The following EPHA1 variants were observed in gnomAD, a reference collection of about 807,000 sequenced individuals.
EPHA1 encodes the protein ephrin type-A receptor 1.
A neutral mutation model predicts 110.1 loss-of-function variants in EPHA1; 92 were observed. The ratio of observed to expected loss-of-function variants is 0.84; its 90% confidence interval spans 0.71 to 0.99. EPHA1 has a LOEUF of 0.99. Among genes scored for constraint, EPHA1 ranks in the 50% least tolerant of loss-of-function variants. The pLI is 0.00. For synonymous variants in EPHA1, 500 were observed against 516.1 expected, an observed-to-expected ratio of 0.97 and a Z score of 0.42; for missense variants, 1,204 against 1,285.4, an observed-to-expected ratio of 0.94 and a Z score of 0.97.
chr7:143,394,410 CTT>C, intron 14 of EPHA1, 67 bp from the exon 15 acceptor site: 1 of 1,501,840 alleles, frequency 6.7e-7, no homozygotes, highest in South Asian at 1.3e-5. Flanking sequence ...CTTTCTGCTT[CTT>C]TTATTGTATT....
rs765284054 is a variant in EPHA1, at chr7:143,397,324, C to T, written c.1751G>A (p.Arg584His). ...CTCACCTCGATCCACATCGGTGGCG[C>T]GGTCACGCTGCCTCTGCTGCCTCTG... ...QRQRQQRQRD[R>H]ATDVDREDKL... Residue 584 changes from arginine (R) to histidine (H), a missense_variant, in exon 10 of 18, where the codon CGC becomes CAC. Coordinates refer to ENST00000275815, the MANE Select transcript of EPHA1 (RefSeq NM_005232.5). 31 of 1,549,828 alleles carry T rather than the reference C, an allele frequency of 2.0e-5. No homozygotes were observed. Among genetic ancestry groups the T allele is most frequent in the Middle Eastern group, 1.7e-4 (1 of 5,730 alleles).
In EPHA1 at chr7:143,401,106, T is replaced by G. The variant is rs761356779; in HGVS notation, c.432+218A>C. 4.9e-6 allele frequency: 3 copies of G among 618,034 alleles called. No individual in the cohort carries two copies. The highest frequency in any genetic ancestry group is 8.4e-6 in the Non-Finnish European group (3 of 358,860). 38.3% of individuals were successfully genotyped at this position (618,034 alleles called of 1,614,324 possible). A position where few individuals can be genotyped will look rare whatever the true frequency, so the allele number is the denominator to read the frequency against. On this transcript the variant is annotated intron_variant, in intron 3 of 17. Transcript: ENST00000275815. The surrounding 1 kb of genome is among the most constrained non-coding windows in gnomAD (Gnocchi z 4.1). Reference sequence around the variant, plus strand: ...TGAAGTTTTGCTATGTTGCCCAGGCTGGTCTCAAGCTCCTGGCCTCAAGTG... The same window carrying G: ...TGAAGTTTTGCTATGTTGCCCAGGCGGGTCTCAAGCTCCTGGCCTCAAGTG...
intron 9 of EPHA1, 66 bp downstream of exon 9, chr7:143,397,495 G>T: frequency 1.3e-6 from 2 of 1,594,046 alleles, no homozygotes; most frequent in Non-Finnish European, 1.7e-6. Context: ...TGGGAGGGTC[G>T]TTGGGGCTGC....
rs1025922689 is a variant in EPHA1 at position 143,399,733 on chromosome 7, A to C, written c.753T>G (p.Pro251=). 3 of 1,613,688 alleles carry C rather than the reference A, an allele frequency of 1.9e-6. No individual in the cohort carries two copies. Among genetic ancestry groups the C allele is most frequent in the Admixed American group, 1.7e-5 (1 of 60,010 alleles). The part of the protein sequence containing the change: ...PSGAPRMHCS[P]DGEWLVPVGR... ...CTACAGGCACCAGCCACTCGCCATC[A>C]GGGCTGCAGTGCATGCGGGGTGCAC... The change falls in exon 4 of 18, where the codon CCT becomes CCG. Residue 251 remains proline, a synonymous_variant. Coordinates refer to ENST00000275815, the MANE Select transcript of EPHA1 (RefSeq NM_005232.5).
chr7:143,394,124 TGG>T lies in EPHA1; in HGVS notation c.2502+68_2502+69del, dbSNP rs1586578056. The T allele has an allele frequency of 1.3e-5, 20 of 1,539,996 alleles. No homozygotes were observed. In the East Asian group the frequency reaches 4.5e-4, roughly 35 times the overall value. On this transcript the variant is annotated intron_variant, in intron 15 of 17. Transcript: ENST00000275815. Reference sequence around the variant, plus strand: ...TAAAGATATTTGCAGGAAAAGGCCATGGGAGGACCTTGGGAGGAAATAAGAGG... The same window carrying T: ...TAAAGATATTTGCAGGAAAAGGCCATGAGGACCTTGGGAGGAAATAAGAGG...
chr7:143,391,439 A>C lies in EPHA1; in HGVS notation c.*18T>G. ...CTTGCTCCTTGCACCCTGATTGGGC[A>C]TGGGGTGAGAGGAGGGATCAGTCCT... On this transcript the variant is annotated 3_prime_UTR_variant, in exon 18 of 18. Transcript: ENST00000275815. The C allele has an allele frequency of 1.2e-6, 2 of 1,613,790 alleles. No homozygotes were observed. The highest frequency in any genetic ancestry group is 1.7e-6 in the Non-Finnish European group (2 of 1,179,864).
At chr7:143,396,276 G>C (rs979267236) in intron 11 of EPHA1, 109 bp downstream of exon 11, 2 of 1,433,364 alleles carry the variant, frequency 1.4e-6, no homozygotes, top group Middle Eastern at 2.6e-4. Context: ...TCTTGGACCA[G>C]AGAAGCCAGC....
At position 143,397,934 on chromosome 7, in the gene EPHA1, C is replaced by T. The variant is rs778778160; in HGVS notation, c.1601G>A (p.Arg534Gln). ...PGPFSPDHEF[R>Q]TSPPVSRGLT... The stretch of plus-strand genomic sequence containing the variant: ...AGATACCCCACCTGGTGGGCTGGTC[C>T]GAAACTCATGATCAGGGGAGAAAGG... The change falls in exon 8 of 18, where the codon CGG (arginine) becomes CAG (glutamine). Residue 534 changes from arginine to glutamine, a missense_variant. Transcript: ENST00000275815. 3.7e-5 allele frequency: 59 copies of T among 1,613,812 alleles called. No individual in the cohort carries two copies. The highest frequency in any genetic ancestry group is 1.2e-4 in the African/African-American group (9 of 74,864).
At chr7:143,397,239 ACACACACACG>A in intron 10 of EPHA1, 55 bp downstream of exon 10, 1 of 1,500,516 alleles carries the variant, frequency 6.7e-7, no homozygotes, top group South Asian at 1.2e-5. Flanking sequence ...CTCCCAACAC[ACACACACACG>A]CACACACAGG....
chr7:143,394,100 A>G, intron 15 of EPHA1, 94 bp downstream of exon 15: 2 of 1,478,812 alleles, frequency 1.4e-6, no homozygotes, highest in South Asian at 2.7e-5. Flanking sequence ...ATGAATAAAT[A>G]AAGATATTTG....
intron 2 of EPHA1, among the ~76,000 whole-genome samples, chr7:143,407,283 T>C (rs1805578213): frequency 6.6e-6 from 1 of 151,984 alleles, no homozygotes; most frequent in Non-Finnish European, 1.5e-5. Flanking sequence ...AAAGCACTGG[T>C]CTCAGCCTTC....
intron 1 of EPHA1, 45 bp from the exon 2 acceptor site, chr7:143,407,723 G>A (rs7794735): frequency 0.083 from 130,475 of 1,570,902 alleles, 6,270 homozygotes; most frequent in Non-Finnish European, 0.099. Flanking sequence ...GGGGGAGGAG[G>A]TGCCCCTGCA....
chr7:143,394,229 C>G lies in EPHA1; in HGVS notation c.2467G>C (p.Gly823Arg), dbSNP rs750219974. The change falls in exon 15 of 18, where the codon GGG becomes CGG. Residue 823 changes from glycine (G) to arginine (R), a missense_variant. Transcript: ENST00000275815. Reference protein sequence around the residue: ...GIVMWEVLSFGDKPYGEMSNQ... With the variant: ...GIVMWEVLSFRDKPYGEMSNQ... ...CTCATCTCCCCATAAGGCTTGTCCC[C>G]AAAGCTCAGCACCTCCCACATCACA... The G allele has an allele frequency of 2.5e-6, 4 of 1,613,956 alleles. No homozygotes were observed. The highest frequency in any genetic ancestry group is 1.7e-4 in the Middle Eastern group (1 of 6,060).
intron 7 of EPHA1, 36 bp downstream of exon 7, chr7:143,398,285 T>C (rs3812407): frequency 0.15 from 240,217 of 1,611,360 alleles, 20,620 homozygotes; most frequent in East Asian, 0.38. Flanking sequence ...TGCCCGGGCA[T>C]GGACACTGAA....
Position 143,399,303 on chromosome 7 carries a change from C to G in EPHA1, c.946G>C (p.Gly316Arg). Residue 316 changes from glycine to arginine, a missense_variant, in exon 5 of 18, where the codon GGC becomes CGC. Coordinates refer to ENST00000275815, the MANE Select transcript of EPHA1 (RefSeq NM_005232.5). ...CCCTCCCCGGGAGCTCTGTAATGGCCGCTCTCACAGGTACAGATGGTGGCC... is the reference window on the plus strand; with the variant it reads ...CCCTCCCCGGGAGCTCTGTAATGGCGGCTCTCACAGGTACAGATGGTGGCC... Reference protein sequence around the residue: ...EGATICTCESGHYRAPGEGPQ... With the variant: ...EGATICTCESRHYRAPGEGPQ... 1.2e-6 allele frequency: 2 copies of G among 1,612,258 alleles called. No individual in the cohort carries two copies. The highest frequency in any genetic ancestry group is 1.7e-6 in the Non-Finnish European group (2 of 1,179,884).
intron 2 of EPHA1, among the ~76,000 whole-genome samples, chr7:143,406,526 T>G (rs1306617329): frequency 6.6e-6 from 1 of 152,208 alleles, no homozygotes; most frequent in Non-Finnish European, 1.5e-5. Flanking sequence ...GCAAACTAAT[T>G]GAACCCGAGG....
At chr7:143,396,786 A>G (rs1336176451) in intron 10 of EPHA1, 3 of 393,580 alleles carry the variant, frequency 7.6e-6, no homozygotes, top group East Asian at 4.9e-5. Context: ...GAGTTGCCCA[A>G]TCTTCTCAGC....
chr7:143,393,824 G>A lies in EPHA1; in HGVS notation c.2543C>T (p.Pro848Leu). 1 of 1,594,524 alleles carries A rather than the reference G, an allele frequency of 6.3e-7. No homozygotes were observed. The highest frequency in any genetic ancestry group is 8.6e-7 in the Non-Finnish European group (1 of 1,167,602). Residue 848 changes from proline to leucine, a missense_variant, in exon 16 of 18, where the codon CCT becomes CTT. Transcript: ENST00000275815. The surrounding 1 kb of genome is among the most constrained non-coding windows in gnomAD (Gnocchi z 5.6). ...ATACAGAGGGGCAGGGCAGTCCACA[G>A]GAGGGGGCAACCGGTACCCATCCTC... ...SIEDGYRLPP[P>L]VDCPAPLYEL...
At chr7:143,407,081 G>A (rs181907939) in intron 2 of EPHA1, among the ~76,000 whole-genome samples, 8 of 152,200 alleles carry the variant, frequency 5.3e-5, no homozygotes, top group African/African-American at 1.9e-4. Flanking sequence ...AGGAGTCAAA[G>A]ACCCTTTGAA....
Sources: gnomAD v4.1 joint callset for allele counts (sites outside exome capture counted in the v4.1 genomes callset) on GRCh38, gnomAD v4.1.1 for gene constraint, Gnocchi (gnomAD v3.1) non-coding constraint, MANE v1.5 for transcripts, NCBI Gene and HGNC (gene_info 2026-07-23, HGNC 2026-07-21) for gene names.